Variants in MARCHF1 observed in about 807,000 individuals in gnomAD.
MARCHF1 encodes the protein E3 ubiquitin-protein ligase MARCHF1.
A neutral mutation model predicts 54.2 loss-of-function variants in MARCHF1; 40 were observed. The observed-to-expected ratio is 0.74, with a 90% confidence interval of 0.57 to 0.96. MARCHF1 has a LOEUF of 0.96. MARCHF1 is among the 40% of genes least tolerant of loss of function. The probability of loss-of-function intolerance (pLI) is 0.00; values close to 1 mark genes in which losing one functional copy is unlikely to be tolerated. For synonymous variants in MARCHF1, 236 were observed against 236.3 expected (o/e 1.00, Z 0.01); for missense variants, 586 against 656.5 (o/e 0.89, Z 1.17).
At chr4:163,556,964 A>AT (rs1030857280) in intron 8 of MARCHF1, among the ~76,000 whole-genome samples, 2 of 150,704 alleles carry the variant, frequency 1.3e-5, no homozygotes, top group African/African-American at 2.4e-5. Flanking sequence ...GTGTGCATTT[A>AT]TTTTTTTCTG....
At chr4:163,989,121 G>A (rs1477921217) in intron 2 of MARCHF1, among the ~76,000 whole-genome samples, 2 of 152,138 alleles carry the variant, frequency 1.3e-5, no homozygotes, top group Non-Finnish European at 2.9e-5. Context: ...TGCTGACTAC[G>A]TAAATAAGCA....
At chr4:164,092,637 C>G (rs913677838) in intron 2 of MARCHF1, among the ~76,000 whole-genome samples, 1 of 152,110 alleles carries the variant, frequency 6.6e-6, no homozygotes, top group Non-Finnish European at 1.5e-5. Context: ...CCAAAACTTT[C>G]GTCTGCAGTG....
chr4:163,577,242 C>T (rs1208454477), intron 8 of MARCHF1, among the ~76,000 whole-genome samples: 4 of 152,014 alleles, frequency 2.6e-5, no homozygotes, highest in Non-Finnish European at 5.9e-5. Context: ...ATGTTTAGAA[C>T]TCCCTTAAGG....
intron 1 of MARCHF1, among the ~76,000 whole-genome samples, chr4:164,113,920 A>G (rs1755887171): frequency 6.6e-6 from 1 of 150,612 alleles, no homozygotes; most frequent in African/African-American, 2.4e-5. Context: ...ATATAAAACG[A>G]TAACTGTTTA....
chr4:164,018,609 C>A (rs1318435427), intron 2 of MARCHF1, among the ~76,000 whole-genome samples: 1 of 151,920 alleles, frequency 6.6e-6, no homozygotes, highest in East Asian at 1.9e-4. Context: ...CTGGGAAATG[C>A]AAATTAAACC....
intron 4 of MARCHF1, among the ~76,000 whole-genome samples, chr4:163,851,183 A>G (rs1184438380): frequency 2.0e-5 from 3 of 152,184 alleles, no homozygotes; most frequent in Non-Finnish European, 2.9e-5. Flanking sequence ...CACTTCAAAC[A>G]TGGTTAAGTA....
At chr4:164,125,335 A>C (rs192173355) in intron 1 of MARCHF1, among the ~76,000 whole-genome samples, 1 of 152,278 alleles carries the variant, frequency 6.6e-6, no homozygotes. Flanking sequence ...AATACTTAAC[A>C]TAATAAAATA....
chr4:164,264,470 TTAAAA>T (rs932279153), intron 1 of MARCHF1, among the ~76,000 whole-genome samples: 44 of 150,628 alleles, frequency 2.9e-4, no homozygotes, highest in African/African-American at 1.1e-3. Flanking sequence ...GCCCCTAAAC[TTAAAA>T]TAAAAGTTAA....
intron 1 of MARCHF1, among the ~76,000 whole-genome samples, chr4:164,293,163 T>C (rs917293637): frequency 6.6e-6 from 1 of 152,150 alleles, no homozygotes; most frequent in African/African-American, 2.4e-5. Flanking sequence ...AAAACTTGAA[T>C]TCCTGCATAG....
At chr4:163,567,344 C>T (rs1260099275) in intron 8 of MARCHF1, among the ~76,000 whole-genome samples, 1 of 152,160 alleles carries the variant, frequency 6.6e-6, no homozygotes, top group East Asian at 1.9e-4. Context: ...ATCATTCTCT[C>T]CCTGAGTCAA....
chr4:163,760,582 T>C (rs1278521272), intron 4 of MARCHF1, among the ~76,000 whole-genome samples: 3 of 152,206 alleles, frequency 2.0e-5, no homozygotes, highest in African/African-American at 7.2e-5. Flanking sequence ...TGCAACATTT[T>C]CTAGTCATAC....
intron 3 of MARCHF1, among the ~76,000 whole-genome samples, chr4:163,862,706 C>T (rs763884293): frequency 1.4e-4 from 21 of 152,080 alleles, no homozygotes; most frequent in Non-Finnish European, 2.2e-4. Flanking sequence ...AGCAACTGCA[C>T]TTACAGCTAT....
intron 5 of MARCHF1, among the ~76,000 whole-genome samples, chr4:163,667,405 T>A (rs73867697): frequency 6.6e-6 from 1 of 152,204 alleles, no homozygotes; most frequent in South Asian, 2.1e-4. Flanking sequence ...AAAAATACCA[T>A]ATATATTAGA....
At chr4:164,295,091 T>C (rs111636096) in intron 1 of MARCHF1, among the ~76,000 whole-genome samples, 16 of 151,994 alleles carry the variant, frequency 1.1e-4, no homozygotes, top group African/African-American at 3.6e-4. Flanking sequence ...ATCCAAAGAA[T>C]TGGCAAAACC....
At chr4:163,611,472 G>A (rs1741338171) in intron 7 of MARCHF1, among the ~76,000 whole-genome samples, 1 of 152,006 alleles carries the variant, frequency 6.6e-6, no homozygotes, top group Non-Finnish European at 1.5e-5. Flanking sequence ...ATCTTCATTT[G>A]CTCTCATACA....
chr4:163,641,375 A>T (rs1190026173), intron 5 of MARCHF1, among the ~76,000 whole-genome samples: 2 of 152,150 alleles, frequency 1.3e-5, no homozygotes, highest in Non-Finnish European at 2.9e-5. Flanking sequence ...GACTGATAAT[A>T]GTATAAAAAA....
intron 3 of MARCHF1, among the ~76,000 whole-genome samples, chr4:163,975,605 T>C (rs1216380707): frequency 6.6e-6 from 1 of 152,150 alleles, no homozygotes; most frequent in Non-Finnish European, 1.5e-5. Flanking sequence ...AGGATTAAGA[T>C]GAAATCAAGG....
intron 3 of MARCHF1, among the ~76,000 whole-genome samples, chr4:163,944,648 A>G (rs540743122): frequency 9.8e-5 from 15 of 152,288 alleles, no homozygotes; most frequent in African/African-American, 3.6e-4. Flanking sequence ...TAAAGCCCCA[A>G]TTCATCTTAA....
intron 1 of MARCHF1, among the ~76,000 whole-genome samples, chr4:164,347,426 T>C (rs1053535734): frequency 3.3e-5 from 5 of 152,156 alleles, no homozygotes; most frequent in African/African-American, 4.8e-5. Flanking sequence ...GGTGTTTTCC[T>C]CTATTATCCC....
Sources: allele counts gnomAD v4.1 joint callset (sites outside exome capture counted in the v4.1 genomes callset), GRCh38; gene constraint gnomAD v4.1.1; transcripts MANE v1.5; gene names NCBI Gene and HGNC (gene_info 2026-07-23, HGNC 2026-07-21).